The following PVT1 variants were observed in gnomAD, a reference collection of about 807,000 sequenced individuals.
PVT1 encodes the protein Pvt1 oncogene.
intron 2 of PVT1, among the ~76,000 whole-genome samples, chr8:127,807,533 G>A (rs925019793): frequency 6.6e-6 from 1 of 151,886 alleles, no homozygotes; most frequent in Non-Finnish European, 1.5e-5. Context: ...ATATTGCCCA[G>A]GCTGGTCTTG....
intron 4 of PVT1, among the ~76,000 whole-genome samples, chr8:128,026,085 G>C (rs571813810): frequency 6.6e-6 from 1 of 152,134 alleles, no homozygotes; most frequent in Non-Finnish European, 1.5e-5. Flanking sequence ...TGGGATTACA[G>C]GTGTGCACTA....
At chr8:127,855,140 G>A (rs996202419) in intron 2 of PVT1, 6 of 398,664 alleles carry the variant, frequency 1.5e-5, no homozygotes, top group East Asian at 3.6e-5. Context: ...CGTGGCTGCT[G>A]GAATCTTCCC....
chr8:127,896,919 T>G (rs1202118101), intron 3 of PVT1, among the ~76,000 whole-genome samples: 1 of 152,092 alleles, frequency 6.6e-6, no homozygotes, highest in African/African-American at 2.4e-5. Context: ...GCTCTCTAAA[T>G]GTTAGTTCCT....
chr8:127,873,885 T>C (rs1009823741), intron 2 of PVT1, among the ~76,000 whole-genome samples: 1 of 152,226 alleles, frequency 6.6e-6, no homozygotes, highest in Non-Finnish European at 1.5e-5. Context: ...CCAAGCACAG[T>C]GACTAACATA....
intron 4 of PVT1, among the ~76,000 whole-genome samples, chr8:128,012,801 G>C (rs563593253): frequency 9.9e-5 from 15 of 152,218 alleles, no homozygotes; most frequent in Admixed American, 9.8e-4. Flanking sequence ...TAGTCACCTA[G>C]GGGCTTGCAA....
intron 5 of PVT1, among the ~76,000 whole-genome samples, chr8:128,091,274 G>C (rs1035198496): frequency 2.6e-5 from 4 of 152,140 alleles, no homozygotes; most frequent in Non-Finnish European, 5.9e-5. Flanking sequence ...CAGTGGCAGG[G>C]CTGAGATGAT....
intron 3 of PVT1, among the ~76,000 whole-genome samples, chr8:127,903,581 C>A (rs1815784986): frequency 6.6e-6 from 1 of 152,028 alleles, no homozygotes; most frequent in African/African-American, 2.4e-5. Flanking sequence ...GTCTTTAATC[C>A]ATGTTGAGTT....
At chr8:127,948,152 A>C (rs1038818375) in intron 3 of PVT1, 26 of 365,648 alleles carry the variant, frequency 7.1e-5, no homozygotes, top group South Asian at 5.5e-4. Flanking sequence ...CGTCTGTTTT[A>C]TTATCCCTGA....
intron 2 of PVT1, among the ~76,000 whole-genome samples, chr8:127,798,260 C>A (rs1415798340): frequency 6.6e-6 from 1 of 151,614 alleles, no homozygotes; most frequent in Non-Finnish European, 1.5e-5. Flanking sequence ...GCCGAGATCG[C>A]ACCATTGTAT....
intron 5 of PVT1, among the ~76,000 whole-genome samples, chr8:128,074,536 A>ATG (rs1752708420): frequency 7.1e-6 from 1 of 141,842 alleles, no homozygotes. Flanking sequence ...AAAAAAAAAA[A>ATG]GGGGGGGGCT....
chr8:128,063,547 G>A (rs1813858913), intron 4 of PVT1, among the ~76,000 whole-genome samples: 1 of 151,644 alleles, frequency 6.6e-6, no homozygotes, highest in Non-Finnish European at 1.5e-5. Context: ...ATTTATGTGT[G>A]TGCCAGACAC....
At chr8:128,083,825 C>T (rs1296352996) in intron 5 of PVT1, among the ~76,000 whole-genome samples, 1 of 152,196 alleles carries the variant, frequency 6.6e-6, no homozygotes, top group Non-Finnish European at 1.5e-5. Flanking sequence ...ACCTGGGTCT[C>T]TCATTTTCTA....
chr8:127,968,282 G>T (rs1816724816), intron 3 of PVT1, among the ~76,000 whole-genome samples: 1 of 151,976 alleles, frequency 6.6e-6, no homozygotes, highest in Admixed American at 6.6e-5. Flanking sequence ...TAACTGCCTG[G>T]CTTCCTAACT....
chr8:127,984,837 T>TTTTCTTTTCTTTCTTTCTTTC (rs1196758951), intron 3 of PVT1, among the ~76,000 whole-genome samples: 1 of 81,282 alleles, frequency 1.2e-5, no homozygotes, highest in African/African-American at 4.3e-5. Context: ...CTTTCTTTTC[T>TTTTCTTTTCTTTCTTTCTTTC]TTTCTTTCTT....
At chr8:127,959,494 A>G (rs527442397) in intron 3 of PVT1, among the ~76,000 whole-genome samples, 2 of 150,534 alleles carry the variant, frequency 1.3e-5, no homozygotes, top group Admixed American at 1.3e-4. Context: ...CTAAGGCAAG[A>G]GAATCGCTTG....
intron 3 of PVT1, among the ~76,000 whole-genome samples, chr8:127,979,164 T>A (rs1052192677): frequency 1.8e-4 from 27 of 152,378 alleles, no homozygotes; most frequent in African/African-American, 6.5e-4. Context: ...CATCATCTAA[T>A]CACCCAACAG....
At chr8:128,030,792 A>T (rs1166186414) in intron 4 of PVT1, among the ~76,000 whole-genome samples, 1 of 152,206 alleles carries the variant, frequency 6.6e-6, no homozygotes, top group African/African-American at 2.4e-5. Flanking sequence ...TCATCTCAGC[A>T]TTGAACGTGT....
chr8:127,886,794 C>T (rs936930234), intron 2 of PVT1, among the ~76,000 whole-genome samples: 4 of 152,102 alleles, frequency 2.6e-5, no homozygotes, highest in African/African-American at 7.2e-5. Flanking sequence ...ATCATGGGGA[C>T]GGTCCCCATA....
At chr8:128,017,594 A>ATT (rs571581812) in intron 4 of PVT1, among the ~76,000 whole-genome samples, 8,154 of 140,724 alleles carry the variant, frequency 0.058, 320 homozygotes, top group Non-Finnish European at 0.09. Context: ...ACCAAGCGCT[A>ATT]TTTTTTTTTT....
Sources: gnomAD v4.1 joint callset for allele counts (sites outside exome capture counted in the v4.1 genomes callset) on GRCh38, gnomAD v4.1.1 for gene constraint, MANE v1.5 for transcripts, NCBI Gene and HGNC (gene_info 2026-07-23, HGNC 2026-07-21) for gene names.